Variants in PPP4R4 observed in about 807,000 individuals in gnomAD.
The protein encoded by PPP4R4 is protein phosphatase 4 regulatory subunit 4.
Under a neutral mutation model 121.8 loss-of-function variants are expected in PPP4R4, and 70 were observed. The observed-to-expected ratio is 0.57, with a 90% CI of 0.47 to 0.70. The LOEUF (loss-of-function observed/expected upper bound fraction) is 0.70, where lower values mean the gene tolerates loss of function less well. Among genes scored for constraint, PPP4R4 ranks in the 30% least tolerant of loss-of-function variants. The probability of loss-of-function intolerance (pLI) is 0.00; values close to 1 mark genes in which losing one functional copy is unlikely to be tolerated. For missense variants in PPP4R4, 875 were observed against 1,033.6 expected, an observed-to-expected ratio of 0.85 and a Z score of 2.10; for synonymous variants, 348 against 355.7, an observed-to-expected ratio of 0.98 and a Z score of 0.24.
At chr14:94,207,364 A>T (rs1890513326) in intron 2 of PPP4R4, among the ~76,000 whole-genome samples, 2 of 151,964 alleles carry the variant, frequency 1.3e-5, no homozygotes. Flanking sequence ...AATGATTATG[A>T]TGTCCTGTAT....
At chr14:94,174,690 C>A in intron 1 of PPP4R4, 108 bp downstream of exon 1, 2 of 1,475,252 alleles carry the variant, frequency 1.4e-6, no homozygotes, top group Middle Eastern at 2.5e-4. Flanking sequence ...TCCGGGCCGC[C>A]GGGACCCTCT....
intron 7 of PPP4R4, among the ~76,000 whole-genome samples, chr14:94,236,131 T>C (rs1379658304): frequency 6.6e-6 from 1 of 152,220 alleles, no homozygotes; most frequent in African/African-American, 2.4e-5. Context: ...CTAAATAGTA[T>C]TTAAGTGTCG....
intron 14 of PPP4R4, among the ~76,000 whole-genome samples, chr14:94,247,245 C>T (rs1185224810): frequency 1.3e-5 from 2 of 152,170 alleles, no homozygotes; most frequent in African/African-American, 4.8e-5. Context: ...AGAAACATTC[C>T]ATGGCTCTGT....
intron 2 of PPP4R4, among the ~76,000 whole-genome samples, chr14:94,180,158 C>A (rs1401717970): frequency 6.6e-6 from 1 of 152,166 alleles, no homozygotes; most frequent in African/African-American, 2.4e-5. Flanking sequence ...GTCTCCTTTT[C>A]CCTTTCCCTA....
chr14:94,208,846 T>G lies in PPP4R4; in HGVS notation c.294+280T>G, dbSNP rs1383229885. 5.4e-5 allele frequency among the ~76,000 whole-genome samples: 8 copies of G among 147,434 alleles called. No homozygotes were observed. The Admixed American group carries it at 5.6e-4, about 10-fold the overall frequency. The stretch of plus-strand genomic sequence containing the variant: ...TTTTTAGTAGCTCAAAAACACCTCT[T>G]AATTATTCTTAAAAAAAAGTATTTA... On this transcript the variant is annotated intron_variant, in intron 3 of 24. Transcript: ENST00000304338.
At chr14:94,193,247 A>G (rs1889697892) in intron 2 of PPP4R4, among the ~76,000 whole-genome samples, 1 of 152,050 alleles carries the variant, frequency 6.6e-6, no homozygotes. Flanking sequence ...TAGGAGCAGG[A>G]GTGGGATAGG....
intron 2 of PPP4R4, among the ~76,000 whole-genome samples, chr14:94,204,858 TCA>T (rs1890376501): frequency 6.6e-6 from 1 of 152,216 alleles, no homozygotes; most frequent in Non-Finnish European, 1.5e-5. Context: ...TTGACTTTTG[TCA>T]CATGTTTTTT....
intron 3 of PPP4R4, among the ~76,000 whole-genome samples, chr14:94,224,234 TA>T (rs1169192957): frequency 5.9e-5 from 9 of 152,150 alleles, no homozygotes; most frequent in African/African-American, 2.2e-4. Context: ...AAGCCCAAAT[TA>T]TGCAGATCCT....
intron 16 of PPP4R4, among the ~76,000 whole-genome samples, chr14:94,253,742 T>C (rs1893315245): frequency 1.3e-5 from 2 of 152,202 alleles, no homozygotes; most frequent in African/African-American, 2.4e-5. Flanking sequence ...ACTCTATTAA[T>C]TTCAGAGATC....
At chr14:94,202,598 G>C (rs1195211004) in intron 2 of PPP4R4, among the ~76,000 whole-genome samples, 1 of 152,026 alleles carries the variant, frequency 6.6e-6, no homozygotes, top group Non-Finnish European at 1.5e-5. Context: ...TTAAATCATG[G>C]GTACATACTG....
chr14:94,200,028 T>C (rs1890090564), intron 2 of PPP4R4, among the ~76,000 whole-genome samples: 1 of 152,130 alleles, frequency 6.6e-6, no homozygotes, highest in African/African-American at 2.4e-5. Flanking sequence ...CCAGGGGTGG[T>C]ACCCTAGTCA....
intron 3 of PPP4R4, among the ~76,000 whole-genome samples, chr14:94,223,681 T>C (rs1891537944): frequency 6.6e-6 from 1 of 152,242 alleles, no homozygotes; most frequent in Non-Finnish European, 1.5e-5. Flanking sequence ...TGTATGCAGA[T>C]GATTTTTATG....
intron 11 of PPP4R4, among the ~76,000 whole-genome samples, chr14:94,243,731 G>C (rs946802635): frequency 1.3e-5 from 2 of 151,820 alleles, no homozygotes; most frequent in African/African-American, 4.8e-5. Flanking sequence ...TGTAGGTAGG[G>C]TAAGAATGAT....
intron 15 of PPP4R4, among the ~76,000 whole-genome samples, chr14:94,250,790 G>C (rs1893140771): frequency 6.6e-6 from 1 of 151,718 alleles, no homozygotes; most frequent in African/African-American, 2.4e-5. Flanking sequence ...AAAAACATTT[G>C]GTTTATAGTA....
intron 2 of PPP4R4, among the ~76,000 whole-genome samples, chr14:94,184,053 C>T (rs1035727214): frequency 6.6e-6 from 1 of 152,034 alleles, no homozygotes; most frequent in Non-Finnish European, 1.5e-5. Context: ...ATTAATTCAT[C>T]CCAACGCTCC....
chr14:94,222,046 A>G (rs1891430367), intron 3 of PPP4R4, among the ~76,000 whole-genome samples: 1 of 151,764 alleles, frequency 6.6e-6, no homozygotes. Context: ...TTCTTCTTTG[A>G]CTCTGTGGCT....
intron 3 of PPP4R4, chr14:94,227,800 T>A: frequency 2.0e-6 from 2 of 987,264 alleles, no homozygotes; most frequent in South Asian, 9.4e-5. Context: ...TTAATATTTA[T>A]TTGCAAAGTC....
chr14:94,234,717 T>C (rs1229709214), intron 7 of PPP4R4, 48 bp downstream of exon 7: 2 of 1,284,828 alleles, frequency 1.6e-6, no homozygotes, highest in African/African-American at 2.9e-5. Flanking sequence ...AAACATGCCA[T>C]TGAAAGGCTG....
intron 17 of PPP4R4, among the ~76,000 whole-genome samples, chr14:94,258,402 C>T (rs1445875137): frequency 6.6e-6 from 1 of 152,130 alleles, no homozygotes; most frequent in African/African-American, 2.4e-5. Context: ...CCCATGATGG[C>T]TTGTCTCATT....
Sources: allele counts gnomAD v4.1 joint callset (sites outside exome capture counted in the v4.1 genomes callset), GRCh38; gene constraint gnomAD v4.1.1; transcripts MANE v1.5; gene names NCBI Gene and HGNC (gene_info 2026-07-23, HGNC 2026-07-21).